The following ZFAND3 variants were observed in gnomAD, a reference collection of about 807,000 sequenced individuals.
ZFAND3 encodes the protein AN1-type zinc finger protein 3.
In ZFAND3, 10 loss-of-function variants were observed where a neutral mutation model predicts 29.6. The ratio of observed to expected loss-of-function variants is 0.34; its 90% CI spans 0.21 to 0.57. ZFAND3 has a LOEUF of 0.57. ZFAND3 is among the 20% of genes least tolerant of loss of function. ZFAND3 has a pLI of 0.86. For missense variants in ZFAND3, 230 were observed against 304.5 expected (o/e 0.76, Z 1.82); for synonymous variants, 128 against 112.6 (o/e 1.14, Z -0.87).
intron 2 of ZFAND3, among the ~76,000 whole-genome samples, chr6:37,996,632 A>C (rs1227822204): frequency 6.6e-6 from 1 of 152,162 alleles, no homozygotes; most frequent in Non-Finnish European, 1.5e-5. Context: ...AAATGAAGGG[A>C]TACATTAACT....
chr6:37,884,151 A>T (rs1479026090), intron 1 of ZFAND3, among the ~76,000 whole-genome samples: 1 of 145,294 alleles, frequency 6.9e-6, no homozygotes, highest in Non-Finnish European at 1.5e-5. Context: ...GGGCTTTACA[A>T]GTGATTGAAA....
At chr6:37,831,339 A>T (rs1243344270) in intron 1 of ZFAND3, among the ~76,000 whole-genome samples, 1 of 152,208 alleles carries the variant, frequency 6.6e-6, no homozygotes, top group African/African-American at 2.4e-5. Context: ...GACTGATGCC[A>T]CCTTATTAAT....
chr6:37,981,150 A>AG (rs1160136206), intron 2 of ZFAND3, among the ~76,000 whole-genome samples: 3 of 152,236 alleles, frequency 2.0e-5, no homozygotes, highest in Non-Finnish European at 4.4e-5. Flanking sequence ...TCCAGCCTAG[A>AG]GGCTGATAGG....
At chr6:37,867,617 A>T (rs779698428) in intron 1 of ZFAND3, among the ~76,000 whole-genome samples, 1 of 151,868 alleles carries the variant, frequency 6.6e-6, no homozygotes, top group South Asian at 2.1e-4. Context: ...TACTTGTCCA[A>T]TTTTTTTTGA....
chr6:38,116,535 C>A, intron 4 of ZFAND3, 37 bp from the exon 5 acceptor site: 2 of 1,584,422 alleles, frequency 1.3e-6, no homozygotes, highest in South Asian at 1.1e-5. Flanking sequence ...CCAGGCCAGG[C>A]ACTAATCCTG....
intron 2 of ZFAND3, among the ~76,000 whole-genome samples, chr6:38,022,907 C>G (rs1386065240): frequency 6.6e-6 from 1 of 152,208 alleles, no homozygotes; most frequent in African/African-American, 2.4e-5. Flanking sequence ...CAGCCACTAG[C>G]TGTCTTGATG....
At position 37,819,820 on chromosome 6, in the gene ZFAND3, G is replaced by T; in HGVS notation, c.-126G>T. The T allele has an allele frequency of 1.7e-6, 1 of 594,832 alleles. No homozygotes were observed. The highest frequency in any genetic ancestry group is 2.2e-6 in the Non-Finnish European group (1 of 453,056). 36.8% of individuals were successfully genotyped at this position (594,832 alleles called of 1,614,324 possible). The stretch of plus-strand genomic sequence containing the variant: ...GCCCCGGACTCGCGCCCGCCCGCGC[G>T]CCCGCTCCTTCCCCCTCCCCCCGCC... On this transcript the variant is annotated 5_prime_UTR_variant, in exon 1 of 6. Coordinates refer to ENST00000287218, the MANE Select transcript of ZFAND3 (RefSeq NM_021943.3).
At chr6:37,917,587 G>GT (rs1368469618) in intron 1 of ZFAND3, among the ~76,000 whole-genome samples, 3 of 152,110 alleles carry the variant, frequency 2.0e-5, no homozygotes, top group Non-Finnish European at 4.4e-5. Context: ...GTTCCCTTCT[G>GT]TTTTTTTGCT....
intron 2 of ZFAND3, among the ~76,000 whole-genome samples, chr6:37,985,461 A>G (rs940238820): frequency 2.0e-5 from 3 of 151,416 alleles, no homozygotes; most frequent in Non-Finnish European, 4.4e-5. Flanking sequence ...AACCCTGTCT[A>G]CACACACACA....
At chr6:37,924,858 G>A (rs1041391914) in intron 1 of ZFAND3, among the ~76,000 whole-genome samples, 6 of 151,986 alleles carry the variant, frequency 3.9e-5, no homozygotes, top group African/African-American at 1.2e-4. Context: ...GTTGAGGGAA[G>A]GCCAGTGAGG....
intron 1 of ZFAND3, among the ~76,000 whole-genome samples, chr6:37,871,049 A>G (rs1395326140): frequency 6.6e-6 from 1 of 152,088 alleles, no homozygotes; most frequent in Non-Finnish European, 1.5e-5. Context: ...TTTGGTCATT[A>G]TTTCTCCAAA....
intron 5 of ZFAND3, among the ~76,000 whole-genome samples, chr6:38,148,099 T>C: frequency 6.6e-6 from 1 of 152,174 alleles, no homozygotes; most frequent in Non-Finnish European, 1.5e-5. Flanking sequence ...AGGTCTTGAG[T>C]TGAAGTCTTG....
intron 2 of ZFAND3, among the ~76,000 whole-genome samples, chr6:37,962,112 G>GAT (rs1372451485): frequency 6.6e-6 from 1 of 152,142 alleles, no homozygotes; most frequent in Admixed American, 6.5e-5. Context: ...AGAAATTCAA[G>GAT]ATAACACAGA....
At chr6:37,967,068 A>T (rs139354677) in intron 2 of ZFAND3, among the ~76,000 whole-genome samples, 1 of 152,196 alleles carries the variant, frequency 6.6e-6, no homozygotes, top group Non-Finnish European at 1.5e-5. Flanking sequence ...TGACCTCTCT[A>T]ACTGCTTCAT....
chr6:37,989,284 A>G (rs1762720915), intron 2 of ZFAND3, among the ~76,000 whole-genome samples: 1 of 152,228 alleles, frequency 6.6e-6, no homozygotes, highest in African/African-American at 2.4e-5. Context: ...CAAAGTCTCT[A>G]TCTTAAAATA....
At chr6:37,844,096 T>TC (rs1764130745) in intron 1 of ZFAND3, among the ~76,000 whole-genome samples, 1 of 151,982 alleles carries the variant, frequency 6.6e-6, no homozygotes, top group Non-Finnish European at 1.5e-5. Flanking sequence ...TTTTTTCTTT[T>TC]CTTTTTTTTG....
chr6:37,872,440 A>G (rs1561917921), intron 1 of ZFAND3, among the ~76,000 whole-genome samples: 1 of 152,158 alleles, frequency 6.6e-6, no homozygotes, highest in Admixed American at 6.5e-5. Context: ...GTTTTTTGTT[A>G]ACCTTTTTTT....
chr6:37,961,025 T>G (rs1260424781), intron 2 of ZFAND3, among the ~76,000 whole-genome samples: 1 of 152,136 alleles, frequency 6.6e-6, no homozygotes, highest in Non-Finnish European at 1.5e-5. Context: ...CAGTGTTCTG[T>G]GATTGCAGTA....
At chr6:38,098,504 CTT>C (rs199755000) in intron 4 of ZFAND3, among the ~76,000 whole-genome samples, 20 of 143,804 alleles carry the variant, frequency 1.4e-4, no homozygotes, top group East Asian at 4.1e-4. Context: ...TATTGCCCAT[CTT>C]TTTTTTTTTT....
Sources: gnomAD v4.1 joint callset for allele counts (sites outside exome capture counted in the v4.1 genomes callset) on GRCh38, gnomAD v4.1.1 for gene constraint, MANE v1.5 for transcripts, NCBI Gene and HGNC (gene_info 2026-07-23, HGNC 2026-07-21) for gene names.